The following STK10 variants were observed in gnomAD, a reference collection of about 807,000 sequenced individuals.
STK10 encodes serine/threonine kinase 10.
In STK10, 78 loss-of-function variants were observed where a neutral mutation model predicts 113.8. The ratio of observed to expected loss-of-function variants is 0.69; its 90% CI spans 0.57 to 0.83. STK10 has a LOEUF of 0.83. STK10 is among the 40% of genes least tolerant of loss of function. STK10 has a pLI of 0.00. For synonymous variants in STK10, 465 were observed against 494.7 expected (o/e 0.94, Z 0.80); for missense variants, 1,109 against 1,280.1 (o/e 0.87, Z 2.04).
rs1279364519 is a variant in STK10, at chr5:172,106,719, A to G, written c.689T>C (p.Met230Thr). ...IWSLGITLIEMAQIEPPHHEL... is the reference protein window; with the variant it reads ...IWSLGITLIETAQIEPPHHEL... The stretch of plus-strand genomic sequence containing the variant: ...GTGGTGTGGCGGCTCGATCTGGGCC[A>G]TCTCAATCAGCGTGATGCCCAGGGA... The change falls in exon 6 of 19, where the codon ATG becomes ACG. Residue 230 changes from methionine (M) to threonine (T), a missense_variant. This residue lies in a region of STK10 where 885 missense variants were observed against 991.1 expected (regional missense o/e 0.89). Transcript: ENST00000176763. 1 of 1,614,100 alleles carries G rather than the reference A, an allele frequency of 6.2e-7. No individual in the cohort carries two copies. Among genetic ancestry groups the G allele is most frequent in the Admixed American group, 1.7e-5 (1 of 60,020 alleles).
chr5:172,059,200 T>G (rs1767876417), intron 14 of STK10, among the ~76,000 whole-genome samples: 1 of 151,938 alleles, frequency 6.6e-6, no homozygotes, highest in South Asian at 2.1e-4. Context: ...GCAGGTGGAT[T>G]GCTTAAGGTC....
intron 16 of STK10, among the ~76,000 whole-genome samples, chr5:172,055,167 C>A (rs532252991): frequency 5.3e-4 from 49 of 91,772 alleles, no homozygotes; most frequent in Non-Finnish European, 7.7e-4. Context: ...CACCCCCTCC[C>A]AAGACCTTAT....
chr5:172,077,394 T>C (rs1213135071), intron 12 of STK10, among the ~76,000 whole-genome samples: 2 of 152,336 alleles, frequency 1.3e-5, no homozygotes, highest in African/African-American at 4.8e-5. Context: ...ACTGGTTATA[T>C]TTGTTTTCAG....
intron 2 of STK10, among the ~76,000 whole-genome samples, chr5:172,134,651 G>A (rs1279323683): frequency 1.3e-5 from 2 of 150,716 alleles, no homozygotes; most frequent in African/African-American, 4.9e-5. Flanking sequence ...GCTCACGCCT[G>A]TAATCTCAGC....
At chr5:172,104,137 C>T (rs117668191) in intron 7 of STK10, among the ~76,000 whole-genome samples, 1,600 of 152,342 alleles carry the variant, frequency 0.011, 62 homozygotes, top group East Asian at 0.1. Context: ...CCTGGTGTGG[C>T]GCCTTCCTCC....
chr5:172,078,526 T>C (rs1312672196), intron 12 of STK10, among the ~76,000 whole-genome samples: 1 of 143,992 alleles, frequency 6.9e-6, no homozygotes, highest in Non-Finnish European at 1.5e-5. Context: ...GGGTCCCAAA[T>C]ACTCAGGAGG....
At chr5:172,097,779 T>C (rs1768891948) in intron 7 of STK10, among the ~76,000 whole-genome samples, 1 of 152,152 alleles carries the variant, frequency 6.6e-6, no homozygotes, top group Admixed American at 6.6e-5. Context: ...AAATACAAGA[T>C]CTTGAGGCAG....
intron 4 of STK10, among the ~76,000 whole-genome samples, chr5:172,110,168 G>T (rs1313951012): frequency 6.6e-6 from 1 of 152,210 alleles, no homozygotes; most frequent in Non-Finnish European, 1.5e-5. Context: ...TGGGGGAGCA[G>T]AGAGTAAGCA....
At chr5:172,101,048 T>C (rs1768978974) in intron 7 of STK10, among the ~76,000 whole-genome samples, 1 of 152,158 alleles carries the variant, frequency 6.6e-6, no homozygotes, top group Non-Finnish European at 1.5e-5. Flanking sequence ...TACCATCTGC[T>C]CAACAGAGAG....
At chr5:172,138,708 G>A (rs954775728) in intron 2 of STK10, among the ~76,000 whole-genome samples, 3 of 151,788 alleles carry the variant, frequency 2.0e-5, no homozygotes, top group African/African-American at 4.8e-5. Context: ...ACTATAAATT[G>A]TTGCAAAAAA....
chr5:172,056,751 G>A (rs1404145057), intron 15 of STK10, among the ~76,000 whole-genome samples: 1 of 151,390 alleles, frequency 6.6e-6, no homozygotes, highest in Non-Finnish European at 1.5e-5. Flanking sequence ...GCAAGCACCT[G>A]TAATCCCAGC....
chr5:172,084,575 T>C (rs2113733795), intron 10 of STK10, among the ~76,000 whole-genome samples: 1 of 152,238 alleles, frequency 6.6e-6, no homozygotes, highest in East Asian at 1.9e-4. Flanking sequence ...CTAGTATCTC[T>C]GGAAGGATTA....
intron 2 of STK10, among the ~76,000 whole-genome samples, chr5:172,143,178 C>T (rs1018072660): frequency 2.0e-5 from 3 of 152,182 alleles, no homozygotes; most frequent in African/African-American, 7.2e-5. Flanking sequence ...CCAGCCTGGG[C>T]AACAAGGCCA....
In STK10 at chr5:172,133,946, C is replaced by T. The variant is rs1769805025; in HGVS notation, c.322-6525G>A. On this transcript the variant is annotated intron_variant, in intron 2 of 18. Transcript: ENST00000176763. The surrounding 1 kb of genome is among the most constrained non-coding windows in gnomAD (Gnocchi z 4.9). Reference sequence around the variant, plus strand: ...TCCAACTTGAACGTTCAGCAGAGTGCTTGTTAAAACAGATCACTGGGTCCC... The same window carrying T: ...TCCAACTTGAACGTTCAGCAGAGTGTTTGTTAAAACAGATCACTGGGTCCC... Among the ~76,000 whole-genome samples, 1 of 152,164 alleles carries T rather than the reference C, an allele frequency of 6.6e-6. No individual in the cohort carries two copies. The highest frequency in any genetic ancestry group is 2.4e-5 in the African/African-American group (1 of 41,442).
In STK10 at chr5:172,090,310, T is replaced by C; in HGVS notation, c.1607A>G (p.Asp536Gly). Residue 536 changes from aspartate (D) to glycine (G), a missense_variant, in exon 10 of 19, where the codon GAT becomes GGT. This residue lies in a region of STK10 where 885 missense variants were observed against 991.1 expected (regional missense o/e 0.89). Coordinates refer to ENST00000176763, the MANE Select transcript of STK10 (RefSeq NM_005990.4). ...TLKRTRKFVV[D>G]GVEVSITTSK... ...GGTGGTGATGCTCACCTCCACACCA[T>C]CCACCACAAATTTGCGTGTCCGCTT... 6.2e-7 allele frequency: 1 copy of C among 1,614,032 alleles called. No individual in the cohort carries two copies. The highest frequency in any genetic ancestry group is 8.5e-7 in the Non-Finnish European group (1 of 1,179,972).
At chr5:172,047,578 C>A (rs1450071403) in intron 18 of STK10, among the ~76,000 whole-genome samples, 1 of 152,156 alleles carries the variant, frequency 6.6e-6, no homozygotes, top group Non-Finnish European at 1.5e-5. Context: ...CAGCTTCCAG[C>A]CAGAAAGCTC....
chr5:172,165,208 C>T (rs548560388), intron 1 of STK10, among the ~76,000 whole-genome samples: 14 of 152,234 alleles, frequency 9.2e-5, no homozygotes, highest in African/African-American at 3.1e-4. Flanking sequence ...TTGCTCCCAC[C>T]GCTTCCCGGG....
At position 172,078,365 on chromosome 5, in the gene STK10, CAA is replaced by C. The variant is rs1005406233; in HGVS notation, c.1989+3959_1989+3960del. ...GGTGTGAGCCCTGTCCTCAAAAAGCCAAAAGAGTCTGGGTGCAATGGCTCACG... is the reference window on the plus strand; with the variant it reads ...GGTGTGAGCCCTGTCCTCAAAAAGCCAAGAGTCTGGGTGCAATGGCTCACG... On this transcript the variant is annotated intron_variant, in intron 12 of 18. Transcript: ENST00000176763. Among the ~76,000 whole-genome samples the C allele has an allele frequency of 5.9e-5, 9 of 152,134 alleles. No homozygotes were observed. The East Asian group carries it at 1.5e-3, about 26-fold the overall frequency.
chr5:172,158,744 T>G (rs1770405268), intron 1 of STK10, among the ~76,000 whole-genome samples: 1 of 152,172 alleles, frequency 6.6e-6, no homozygotes, highest in African/African-American at 2.4e-5. Context: ...ACAAACTACA[T>G]GGATGAATCC....
Sources: allele counts gnomAD v4.1 joint callset (sites outside exome capture counted in the v4.1 genomes callset), GRCh38; gene constraint gnomAD v4.1.1; regional missense constraint gnomAD v4.1.1; non-coding constraint Gnocchi (gnomAD v3.1); transcripts MANE v1.5; gene names NCBI Gene and HGNC (gene_info 2026-07-23, HGNC 2026-07-21).